Variants in SIAH3 observed in about 807,000 individuals in gnomAD.
SIAH3 encodes the protein seven in absentia homolog 3.
SIAH3 carries 9 observed loss-of-function variants against 12.6 expected under a neutral mutation model. That is an observed-to-expected ratio of 0.72 (90% CI 0.43 to 1.25). SIAH3 has a LOEUF of 1.25. Ranked by LOEUF, SIAH3 falls within the 50% of genes most tolerant of loss-of-function variation. The probability of loss-of-function intolerance (pLI) is 0.00; values close to 1 mark genes in which losing one functional copy is unlikely to be tolerated. For synonymous variants in SIAH3, 154 were observed against 151.1 expected, an observed-to-expected ratio of 1.02 and a Z score of -0.14; for missense variants, 390 against 365.4, an observed-to-expected ratio of 1.07 and a Z score of -0.55.
At chr13:45,851,214 C>A (rs1330304827) in intron 1 of SIAH3, among the ~76,000 whole-genome samples, 1 of 152,150 alleles carries the variant, frequency 6.6e-6, no homozygotes, top group South Asian at 2.1e-4. Context: ...CTCACTTCTG[C>A]CCCCCACGCC....
chr13:45,837,011 G>C (rs926300867), intron 1 of SIAH3, among the ~76,000 whole-genome samples: 1 of 152,136 alleles, frequency 6.6e-6, no homozygotes, highest in Non-Finnish European at 1.5e-5. Context: ...GACATCTGCC[G>C]CCCTAGTGCC....
chr13:45,790,847 T>G (rs1473991274), intron 1 of SIAH3, among the ~76,000 whole-genome samples: 1 of 152,194 alleles, frequency 6.6e-6, no homozygotes, highest in Non-Finnish European at 1.5e-5. Flanking sequence ...AGTTAAGATC[T>G]GTCTGCACAA....
At position 45,778,679 on chromosome 13, in the gene SIAH3, C is replaced by T. The variant is rs1950492904; in HGVS notation, c.*4704G>A. 1 of 152,112 alleles carries T rather than the reference C, an allele frequency of 6.6e-6. No individual in the cohort carries two copies. Among genetic ancestry groups the T allele is most frequent in the Admixed American group, 6.5e-5 (1 of 15,268 alleles). 9.4% of individuals were successfully genotyped at this position (152,112 alleles called of 1,614,324 possible). A position where few individuals can be genotyped will look rare whatever the true frequency, so the allele number is the denominator to read the frequency against. ...TGTCTAGGCAGTGGTATTAAGTCAACCCTCTGTATCCACATGTTCCACACC... is the reference window on the plus strand; with the variant it reads ...TGTCTAGGCAGTGGTATTAAGTCAATCCTCTGTATCCACATGTTCCACACC... On this transcript the variant is annotated 3_prime_UTR_variant, in exon 2 of 2. Coordinates refer to ENST00000400405, the MANE Select transcript of SIAH3 (RefSeq NM_198849.3).
rs1950651264 is a variant in SIAH3, at chr13:45,820,326, T to G, written c.135+31169A>C. On this transcript the variant is annotated intron_variant, in intron 1 of 1. Coordinates refer to ENST00000400405, the MANE Select transcript of SIAH3 (RefSeq NM_198849.3). ...CGAGTGAGCCAGGCTACCATGCAGG[T>G]GAACCTCCTGTGGTGGGGACGGAGC... is the stretch of plus-strand genomic sequence containing the variant. 2.0e-5 allele frequency among the ~76,000 whole-genome samples: 3 copies of G among 152,044 alleles called. No individual in the cohort carries two copies. In the South Asian group the frequency reaches 6.2e-4, roughly 32 times the overall value.
chr13:45,801,747 T>C (rs1950583150), intron 1 of SIAH3, among the ~76,000 whole-genome samples: 2 of 152,186 alleles, frequency 1.3e-5, no homozygotes, highest in African/African-American at 4.8e-5. Flanking sequence ...TCATACCTAG[T>C]ACCTCATGTA....
intron 1 of SIAH3, among the ~76,000 whole-genome samples, chr13:45,824,028 A>G (rs9567581): frequency 0.23 from 35,487 of 152,150 alleles, 4,841 homozygotes; most frequent in East Asian, 0.61. Context: ...CCATCACCCA[A>G]ACAGTGAACA....
chr13:45,850,089 A>G (rs1169710235), intron 1 of SIAH3, among the ~76,000 whole-genome samples: 1 of 152,236 alleles, frequency 6.6e-6, no homozygotes, highest in Non-Finnish European at 1.5e-5. Context: ...CGCGCAAGCA[A>G]GAGCAGGTGT....
rs1261947601 is a variant in SIAH3 at position 45,791,998 on chromosome 13, A to G, written c.136-7941T>C. 2.0e-5 allele frequency among the ~76,000 whole-genome samples: 3 copies of G among 152,090 alleles called. No homozygotes were observed. The East Asian group carries it at 5.8e-4, about 29-fold the overall frequency. ...TACCATAGCTCCTCCAGCTGTCCCT[A>G]CCCATGAGATGAGGAGCTAAAGGGT... On this transcript the variant is annotated intron_variant, in intron 1 of 1. Transcript: ENST00000400405.
rs1200947193 is a variant in SIAH3 at position 45,791,073 on chromosome 13, C to T, written c.136-7016G>A. On this transcript the variant is annotated intron_variant, in intron 1 of 1. Transcript: ENST00000400405. ...CCAGCTACTCAGAGACTGAGGTGGG[C>T]GGATCAGGTTAGCCCAGAAGGTTGA... is the stretch of plus-strand genomic sequence containing the variant. Among the ~76,000 whole-genome samples, 4 of 151,532 alleles carry T rather than the reference C, an allele frequency of 2.6e-5. No individual in the cohort carries two copies. In the East Asian group the frequency reaches 5.8e-4, roughly 22 times the overall value.
chr13:45,784,021 G>C lies in SIAH3; in HGVS notation c.172C>G (p.Pro58Ala), dbSNP rs1172730180. 6.2e-7 allele frequency: 1 copy of C among 1,602,684 alleles called. No individual in the cohort carries two copies. Among genetic ancestry groups the C allele is most frequent in the Admixed American group, 1.7e-5 (1 of 59,256 alleles). Residue 58 changes from proline to alanine, a missense_variant, in exon 2 of 2, where the codon CCA (proline) becomes GCA (alanine). Physicochemically the swap from Pro to Ala is conservative, Grantham distance 27 (BLOSUM62 -1). Coordinates refer to ENST00000400405, the MANE Select transcript of SIAH3 (RefSeq NM_198849.3). Reference protein sequence around the residue: ...SSRRAVTQSAPEQGSFHPHHL... With the variant: ...SSRRAVTQSAAEQGSFHPHHL... ...TGAGGGTGGAAGCTGCCTTGCTCTG[G>C]AGCGCTCTGAGTGACGGCGCGCCGA...
At chr13:45,839,258 A>G (rs1285582659) in intron 1 of SIAH3, among the ~76,000 whole-genome samples, 1 of 151,780 alleles carries the variant, frequency 6.6e-6, no homozygotes, top group Non-Finnish European at 1.5e-5. Context: ...TTTTTTAGAG[A>G]AAAAGCAGCC....
At chr13:45,812,597 AC>A (rs768721090) in intron 1 of SIAH3, among the ~76,000 whole-genome samples, 1 of 152,002 alleles carries the variant, frequency 6.6e-6, no homozygotes, top group Non-Finnish European at 1.5e-5. Context: ...AATTACTAGG[AC>A]CCCGGGGTAC....
intron 1 of SIAH3, among the ~76,000 whole-genome samples, chr13:45,850,919 C>CCACACACACACACACACACACACACACA (rs34118981): frequency 7.8e-6 from 1 of 128,228 alleles, no homozygotes; most frequent in Non-Finnish European, 1.6e-5. Flanking sequence ...CCTCCCGACA[C>CCACACACACACACACACACACACACACA]CACACACACA....
At chr13:45,840,264 A>C (rs559616440) in intron 1 of SIAH3, among the ~76,000 whole-genome samples, 2 of 152,136 alleles carry the variant, frequency 1.3e-5, no homozygotes, top group Non-Finnish European at 2.9e-5. Context: ...GCCAAAAAAA[A>C]ACCCACGAGA....
intron 1 of SIAH3, among the ~76,000 whole-genome samples, chr13:45,821,096 T>A (rs142186039): frequency 6.6e-6 from 1 of 152,182 alleles, no homozygotes; most frequent in African/African-American, 2.4e-5. Flanking sequence ...TATTTGAAGA[T>A]AGGGTCTTTA....
intron 1 of SIAH3, among the ~76,000 whole-genome samples, chr13:45,789,698 C>T (rs1178350252): frequency 6.6e-6 from 1 of 152,172 alleles, no homozygotes; most frequent in African/African-American, 2.4e-5. Flanking sequence ...TAAGCCACCA[C>T]ACCTGGCCTA....
chr13:45,796,652 C>T lies in SIAH3; in HGVS notation c.136-12595G>A, dbSNP rs115701924. ...CCTTTGCTCCTAGAGGCAGAAAGCT[C>T]CTCTCTGAGATTAGACTTGGCGGCT... On this transcript the variant is annotated intron_variant, in intron 1 of 1. Coordinates refer to ENST00000400405, the MANE Select transcript of SIAH3 (RefSeq NM_198849.3). 1.6e-3 allele frequency among the ~76,000 whole-genome samples: 244 copies of T among 152,336 alleles called. 1 individual carries two copies. The highest frequency in any genetic ancestry group is 5.6e-3 in the African/African-American group (232 of 41,588).
chr13:45,837,076 G>T (rs1950720371), intron 1 of SIAH3, among the ~76,000 whole-genome samples: 1 of 152,182 alleles, frequency 6.6e-6, no homozygotes, highest in Non-Finnish European at 1.5e-5. Context: ...GTCCCCTAGG[G>T]ACACCATAAC....
At chr13:45,826,488 G>A (rs1229892058) in intron 1 of SIAH3, among the ~76,000 whole-genome samples, 100 of 97,290 alleles carry the variant, frequency 1.0e-3, no homozygotes, top group Non-Finnish European at 1.6e-3. Context: ...TGGATGGATG[G>A]ATGGGTGGGT....
Sources: allele counts gnomAD v4.1 joint callset (sites outside exome capture counted in the v4.1 genomes callset), GRCh38; gene constraint gnomAD v4.1.1; transcripts MANE v1.5; gene names NCBI Gene and HGNC (gene_info 2026-07-23, HGNC 2026-07-21).